The following NTNG1 variants were observed in gnomAD, a reference collection of about 807,000 sequenced individuals.
The protein encoded by NTNG1 is netrin-G1.
A neutral mutation model predicts 54.0 loss-of-function variants in NTNG1; 16 were observed. The observed-to-expected ratio is 0.30, with a 90% CI of 0.20 to 0.45. The LOEUF is 0.45. Ranked by LOEUF, NTNG1 falls within the 20% of genes least tolerant of loss-of-function variation. The probability of loss-of-function intolerance (pLI) is 1.00; values close to 1 mark genes in which losing one functional copy is unlikely to be tolerated. For synonymous variants in NTNG1, 255 were observed against 263.1 expected (o/e 0.97, Z 0.30); for missense variants, 530 against 678.7 (o/e 0.78, Z 2.43).
chr1:107,480,777 C>G lies in NTNG1; in HGVS notation c.1557C>G (p.His519Gln). Residue 519 changes from histidine to glutamine, a missense_variant, in exon 8 of 8, where the codon CAC becomes CAG. Physicochemically the swap from His to Gln is conservative, Grantham distance 24. Around this residue, in one of 2 missense-constraint regions of NTNG1, gnomAD observed 212 missense variants for 213.6 expected, o/e 0.99. Coordinates refer to ENST00000370068, the MANE Select transcript of NTNG1 (RefSeq NM_001113226.3). Reference sequence around the variant, plus strand: ...ACTCTGGCCAGGGCGCGCCCCCGCACGGCTCCCCAGCGCTGCTGCTGCTGA... The same window carrying G: ...ACTCTGGCCAGGGCGCGCCCCCGCAGGGCTCCCCAGCGCTGCTGCTGCTGA... ...GSDSGQGAPPHGSPALLLLTT... is the reference protein window; with the variant it reads ...GSDSGQGAPPQGSPALLLLTT... The G allele has an allele frequency of 6.2e-7, 1 of 1,600,890 alleles. No homozygotes were observed. Among genetic ancestry groups the G allele is most frequent in the East Asian group, 2.2e-5 (1 of 44,500 alleles).
intron 7 of NTNG1, among the ~76,000 whole-genome samples, chr1:107,475,064 A>C (rs987554207): frequency 6.6e-6 from 1 of 152,230 alleles, no homozygotes; most frequent in African/African-American, 2.4e-5. Flanking sequence ...AAAATGTGGT[A>C]AAACCCTAGG....
intron 4 of NTNG1, 92 bp downstream of exon 4, chr1:107,395,418 T>C (rs1258510999): frequency 1.9e-5 from 22 of 1,171,066 alleles, no homozygotes; most frequent in Non-Finnish European, 2.4e-5. Flanking sequence ...TTATTCCTCT[T>C]ACCAGTTGTC....
At chr1:107,379,916 T>G (rs1367989016) in intron 3 of NTNG1, among the ~76,000 whole-genome samples, 2 of 152,192 alleles carry the variant, frequency 1.3e-5, no homozygotes, top group Non-Finnish European at 2.9e-5. Flanking sequence ...GATGCTATTC[T>G]CAGAACTATC....
chr1:107,241,512 C>A (rs1285558001), intron 2 of NTNG1, among the ~76,000 whole-genome samples: 1 of 152,138 alleles, frequency 6.6e-6, no homozygotes, highest in East Asian at 1.9e-4. Flanking sequence ...CAAGAACAAG[C>A]TAACCATAAA....
At chr1:107,478,146 TAGG>T (rs2101609872) in intron 7 of NTNG1, among the ~76,000 whole-genome samples, 1 of 152,310 alleles carries the variant, frequency 6.6e-6, no homozygotes, top group South Asian at 2.1e-4. Flanking sequence ...GATCCATAAT[TAGG>T]TTAGATGTGC....
chr1:107,290,447 T>G (rs1254835435), intron 2 of NTNG1, among the ~76,000 whole-genome samples: 1 of 152,116 alleles, frequency 6.6e-6, no homozygotes, highest in African/African-American at 2.4e-5. Context: ...AGTCACTGAT[T>G]AGCTGTGTGA....
At chr1:107,335,856 G>T (rs1038254291) in intron 3 of NTNG1, among the ~76,000 whole-genome samples, 1 of 151,612 alleles carries the variant, frequency 6.6e-6, no homozygotes, top group African/African-American at 2.4e-5. Context: ...ATAATAAAAT[G>T]GTTAAGAATA....
intron 2 of NTNG1, among the ~76,000 whole-genome samples, chr1:107,222,891 G>A (rs1660440350): frequency 7.0e-6 from 1 of 143,122 alleles, no homozygotes; most frequent in Non-Finnish European, 1.5e-5. Context: ...TGAGTTATAT[G>A]TTTAGTAGCA....
intron 3 of NTNG1, among the ~76,000 whole-genome samples, chr1:107,331,551 G>C (rs1180333390): frequency 6.6e-6 from 1 of 151,988 alleles, no homozygotes; most frequent in Non-Finnish European, 1.5e-5. Context: ...AAATAAATAA[G>C]CTGTATTTTC....
At chr1:107,193,737 A>G (rs1222032305) in intron 2 of NTNG1, among the ~76,000 whole-genome samples, 1 of 151,928 alleles carries the variant, frequency 6.6e-6, no homozygotes, top group Non-Finnish European at 1.5e-5. Context: ...TTCACCTGGA[A>G]TATCTATTAA....
chr1:107,198,586 G>A (rs559287252), intron 2 of NTNG1, among the ~76,000 whole-genome samples: 2 of 151,870 alleles, frequency 1.3e-5, no homozygotes, highest in Middle Eastern at 3.4e-3. Flanking sequence ...GTTCCCCTTC[G>A]TATTTTTGTG....
At chr1:107,426,764 C>T (rs1223489626) in intron 5 of NTNG1, among the ~76,000 whole-genome samples, 1 of 151,896 alleles carries the variant, frequency 6.6e-6, no homozygotes, top group Non-Finnish European at 1.5e-5. Flanking sequence ...TTTTAGATTG[C>T]TTTGAGTAAT....
intron 1 of NTNG1, among the ~76,000 whole-genome samples, 190 bp from the exon 2 acceptor site, chr1:107,147,879 A>C (rs1168681427): frequency 6.6e-6 from 1 of 152,158 alleles, no homozygotes; most frequent in Non-Finnish European, 1.5e-5. Flanking sequence ...TAAATCCTTC[A>C]TATTAAAATT....
chr1:107,251,419 T>A (rs1246335651), intron 2 of NTNG1, among the ~76,000 whole-genome samples: 2 of 152,220 alleles, frequency 1.3e-5, no homozygotes, highest in Admixed American at 1.3e-4. Context: ...AACTTTTTTT[T>A]AAATTGGAAT....
chr1:107,344,506 C>T (rs1669102086), intron 3 of NTNG1, among the ~76,000 whole-genome samples: 2 of 152,108 alleles, frequency 1.3e-5, no homozygotes, highest in South Asian at 4.2e-4. Context: ...ATGGGGCCTC[C>T]CCAGTATACT....
chr1:107,392,814 A>G (rs923130316), intron 3 of NTNG1, among the ~76,000 whole-genome samples: 1 of 152,148 alleles, frequency 6.6e-6, no homozygotes, highest in African/African-American at 2.4e-5. Context: ...GAGAAAATTT[A>G]TAAGTATGAA....
intron 2 of NTNG1, among the ~76,000 whole-genome samples, chr1:107,231,086 C>A (rs1412599898): frequency 6.6e-6 from 1 of 152,146 alleles, no homozygotes; most frequent in Non-Finnish European, 1.5e-5. Flanking sequence ...GACTGAGAGT[C>A]TCTGTTTCCT....
At chr1:107,473,632 G>A (rs1483699195) in intron 7 of NTNG1, among the ~76,000 whole-genome samples, 3 of 152,168 alleles carry the variant, frequency 2.0e-5, no homozygotes, top group Admixed American at 6.5e-5. Flanking sequence ...TCCCTGTGTC[G>A]CTCCTCATCC....
intron 5 of NTNG1, among the ~76,000 whole-genome samples, chr1:107,430,338 T>C (rs559408324): frequency 1.1e-4 from 16 of 151,964 alleles, no homozygotes; most frequent in Non-Finnish European, 2.1e-4. Context: ...GCTCACACAG[T>C]CCCCTCTCAC....
Sources: allele counts gnomAD v4.1 joint callset (sites outside exome capture counted in the v4.1 genomes callset), GRCh38; gene constraint gnomAD v4.1.1; regional missense constraint gnomAD v4.1.1; transcripts MANE v1.5; gene names NCBI Gene and HGNC (gene_info 2026-07-23, HGNC 2026-07-21).